The following F2RL2 variants were observed in gnomAD, a reference collection of about 807,000 sequenced individuals.
The protein encoded by F2RL2 is coagulation factor II thrombin receptor like 2.
A neutral mutation model predicts 4.3 loss-of-function variants in F2RL2; 4 were observed. The observed-to-expected ratio is 0.93, with a 90% confidence interval of 0.46 to 2.12. The LOEUF (loss-of-function observed/expected upper bound fraction) is 2.12, where lower values mean the gene tolerates loss of function less well. Ranked by LOEUF, F2RL2 falls within the 30% of genes most tolerant of loss-of-function variation. The probability of loss-of-function intolerance (pLI) is 0.02; values close to 1 mark genes in which losing one functional copy is unlikely to be tolerated. For synonymous variants in F2RL2, 166 were observed against 170.9 expected (o/e 0.97, Z 0.22); for missense variants, 408 against 449.3 (o/e 0.91, Z 0.83).
Position 76,616,336 on chromosome 5 carries a change from C to T in F2RL2, c.*1246G>A, listed in dbSNP as rs754257062. The T allele has an allele frequency of 3.9e-5, 6 of 152,404 alleles. No homozygotes were observed. The highest frequency in any genetic ancestry group is 7.4e-5 in the Non-Finnish European group (5 of 68,024). The allele number at this position is 152,404 out of a possible 1,614,324, so 9.4% of individuals were successfully genotyped here. A position where few individuals can be genotyped will look rare whatever the true frequency, so the allele number is the denominator to read the frequency against. On this transcript the variant is annotated 3_prime_UTR_variant, in exon 2 of 2. Coordinates refer to ENST00000296641, the MANE Select transcript of F2RL2 (RefSeq NM_004101.4). ...GAGGCAGAGTGGAGATATAGCAGAG[C>T]AAGAGGTTTGGTTGGTGCCTATATC...
chr5:76,622,040 A>G (rs1377031053), intron 1 of F2RL2, among the ~76,000 whole-genome samples: 2 of 152,134 alleles, frequency 1.3e-5, no homozygotes, highest in Non-Finnish European at 2.9e-5. Context: ...CAGGCTGCTA[A>G]AAGCCTAAAA....
At position 76,618,183 on chromosome 5, in the gene F2RL2, C is replaced by A. The variant is rs748908547; in HGVS notation, c.524G>T (p.Gly175Val). ...LCRATTVIFY[G>V]NMYCSILLLA... Reference sequence around the variant, plus strand: ...GAGCAGAATGGAGCAGTACATGTTGCCATAGAAGATGACTGTGGTGGCCCG... The same window carrying A: ...GAGCAGAATGGAGCAGTACATGTTGACATAGAAGATGACTGTGGTGGCCCG... Residue 175 changes from glycine (G) to valine (V), a missense_variant, in exon 2 of 2, where the codon GGC (glycine) becomes GTC (valine). By Grantham distance (109) the Gly-to-Val change is moderately radical. Coordinates refer to ENST00000296641, the MANE Select transcript of F2RL2 (RefSeq NM_004101.4). 1.2e-5 allele frequency: 20 copies of A among 1,614,130 alleles called. No individual in the cohort carries two copies. The highest frequency in any genetic ancestry group is 1.6e-5 in the Non-Finnish European group (19 of 1,180,040).
chr5:76,619,819 G>A (rs144711892), intron 1 of F2RL2, among the ~76,000 whole-genome samples: 262 of 152,180 alleles, frequency 1.7e-3, no homozygotes, highest in Middle Eastern at 3.4e-3. Flanking sequence ...CGCCCGGCCA[G>A]TTAAGGATCT....
intron 1 of F2RL2, among the ~76,000 whole-genome samples, chr5:76,619,514 CTTTTTTT>C (rs773323091): frequency 1.9e-5 from 2 of 104,266 alleles, no homozygotes; most frequent in African/African-American, 8.0e-5. Context: ...TAAGGATCTT[CTTTTTTT>C]TTTTTTTTTT....
In F2RL2 at chr5:76,618,543, G is replaced by A. The variant is rs762843040; in HGVS notation, c.164C>T (p.Ala55Val). 8 of 1,614,136 alleles carry A rather than the reference G, an allele frequency of 5.0e-6. No homozygotes were observed. Among genetic ancestry groups the A allele is most frequent in the South Asian group, 2.2e-5 (2 of 91,082 alleles). The change falls in exon 2 of 2, where the codon GCC (alanine) becomes GTC (valine). Residue 55 changes from alanine to valine, a missense_variant. Ala to Val is a moderately conservative substitution (Grantham distance 64, BLOSUM62 0). Transcript: ENST00000296641. ...CGTGGCTCCTGTCCAGCCTTCCAAG[G>A]CAGAAAAGGGGAACTCTTCAAAAGA... ...PNSFEEFPFS[A>V]LEGWTGATIT... is the part of the protein sequence containing the mutation.
chr5:76,616,021 A>T lies in F2RL2; in HGVS notation c.*1561T>A, dbSNP rs1748931136. On this transcript the variant is annotated 3_prime_UTR_variant, in exon 2 of 2. Transcript: ENST00000296641. ...CATTCAGCCACATAGTATTCAAAGCATGGAGCTGGGTGCCACAAAGACTTG... is the reference window on the plus strand; with the variant it reads ...CATTCAGCCACATAGTATTCAAAGCTTGGAGCTGGGTGCCACAAAGACTTG... 6.6e-6 allele frequency: 1 copy of T among 152,664 alleles called. No homozygotes were observed. The highest frequency in any genetic ancestry group is 6.5e-5 in the Admixed American group (1 of 15,276). 9.5% of individuals were successfully genotyped at this position (152,664 alleles called of 1,614,324 possible).
rs373076521 is a variant in F2RL2, at chr5:76,618,324, G to C, written c.383C>G (p.Thr128Ser). Residue 128 changes from threonine (T) to serine (S), a missense_variant, in exon 2 of 2, where the codon ACC becomes AGC. By Grantham distance (58) the Thr-to-Ser change is moderately conservative. Transcript: ENST00000296641. ...GGCCAGGTTGGTGTAGAATACAGTG[G>C]TACAGATGGATCTGGTCCTGAAGAA... ...MLFFRTRSICTTVFYTNLAIA... is the reference protein window; with the variant it reads ...MLFFRTRSICSTVFYTNLAIA... 4 of 1,614,220 alleles carry C rather than the reference G, an allele frequency of 2.5e-6. No individual in the cohort carries two copies. The highest frequency in any genetic ancestry group is 3.4e-6 in the Non-Finnish European group (4 of 1,180,034).
Position 76,615,502 on chromosome 5 carries a change from AT to A in F2RL2, c.*2079del, listed in dbSNP as rs1370569151. On this transcript the variant is annotated 3_prime_UTR_variant, in exon 2 of 2. Coordinates refer to ENST00000296641, the MANE Select transcript of F2RL2 (RefSeq NM_004101.4). The stretch of plus-strand genomic sequence containing the variant: ...AAATATGCATTTAAAATTGTTTTTT[AT>A]TGTTTTGTTGGGCAGTATGAAATAT... 1 of 152,166 alleles carries A rather than the reference AT, an allele frequency of 6.6e-6. No homozygotes were observed. The highest frequency in any genetic ancestry group is 2.4e-5 in the African/African-American group (1 of 41,446). 9.4% of individuals were successfully genotyped at this position (152,166 alleles called of 1,614,324 possible).
chr5:76,616,584 G>T lies in F2RL2; in HGVS notation c.*998C>A, dbSNP rs551159409. 3 of 153,066 alleles carry T rather than the reference G, an allele frequency of 2.0e-5. No individual in the cohort carries two copies. The highest frequency in any genetic ancestry group is 7.2e-5 in the African/African-American group (3 of 41,566). The allele number at this position is 153,066 out of a possible 1,614,324, so 9.5% of individuals were successfully genotyped here. On this transcript the variant is annotated 3_prime_UTR_variant, in exon 2 of 2. Coordinates refer to ENST00000296641, the MANE Select transcript of F2RL2 (RefSeq NM_004101.4). The stretch of plus-strand genomic sequence containing the variant: ...AGGTAGAGGTGGCCTGGACGTAGTG[G>T]CTCATGCCTGTAGTCCCAGCACTTT...
rs1180383193 is a variant in F2RL2, at chr5:76,617,716, T to A, written c.991A>T (p.Asn331Tyr). 2 of 1,613,962 alleles carry A rather than the reference T, an allele frequency of 1.2e-6. No individual in the cohort carries two copies. Among genetic ancestry groups the A allele is most frequent in the African/African-American group, 2.7e-5 (2 of 74,916 alleles). The change falls in exon 2 of 2, where the codon AAC becomes TAC. Residue 331 changes from asparagine (N) to tyrosine (Y), a missense_variant. Coordinates refer to ENST00000296641, the MANE Select transcript of F2RL2 (RefSeq NM_004101.4). ...ATAAAATATAAGCCATCAGTGTTGTTGTAGTAGTAGTTAGCATGGTGAATA... is the reference window on the plus strand; with the variant it reads ...ATAAAATATAAGCCATCAGTGTTGTAGTAGTAGTAGTTAGCATGGTGAATA... ...LIIHHANYYYNNTDGLYFIYL... is the reference protein window; with the variant it reads ...LIIHHANYYYYNTDGLYFIYL...
Position 76,617,974 on chromosome 5 carries a change from A to G in F2RL2, c.733T>C (p.Cys245Arg), listed in dbSNP as rs751810558. The change falls in exon 2 of 2, where the codon TGC becomes CGC. Residue 245 changes from cysteine to arginine, a missense_variant. Transcript: ENST00000296641. Reference protein sequence around the residue: ...YYLVQPDITTCHDVHNTCESS... With the variant: ...YYLVQPDITTRHDVHNTCESS... ...TCGCAAGTGTTGTGAACATCATGGC[A>G]GGTGGTGATGTCTGGCTGAACAAGA... 9 of 1,614,188 alleles carry G rather than the reference A, an allele frequency of 5.6e-6. No individual in the cohort carries two copies. The highest frequency in any genetic ancestry group is 7.6e-6 in the Non-Finnish European group (9 of 1,180,024).
At position 76,623,341 on chromosome 5, in the gene F2RL2, G is replaced by C. The variant is rs982888367; in HGVS notation, c.-111C>G. 12 of 1,332,968 alleles carry C rather than the reference G, an allele frequency of 9.0e-6. No homozygotes were observed. Among genetic ancestry groups the C allele is most frequent in the Admixed American group, 7.5e-5 (4 of 53,600 alleles). 82.6% of individuals were successfully genotyped at this position (1,332,968 alleles called of 1,614,324 possible). On this transcript the variant is annotated 5_prime_UTR_variant, in exon 1 of 2. Coordinates refer to ENST00000296641, the MANE Select transcript of F2RL2 (RefSeq NM_004101.4). Reference sequence around the variant, plus strand: ...AGCAAATGGAAGCCTTGGTCTGTCTGTAGAAGTTTGCTCTCCTGTGCCGTG... The same window carrying C: ...AGCAAATGGAAGCCTTGGTCTGTCTCTAGAAGTTTGCTCTCCTGTGCCGTG...
In F2RL2 at chr5:76,623,306, A is replaced by T; in HGVS notation, c.-76T>A. The T allele has an allele frequency of 6.5e-7, 1 of 1,541,098 alleles. No homozygotes were observed. Among genetic ancestry groups the T allele is most frequent in the Non-Finnish European group, 9.0e-7 (1 of 1,114,898 alleles). On this transcript the variant is annotated 5_prime_UTR_variant, in exon 1 of 2. It removes an upstream start codon present in the reference 5' UTR. Transcript: ENST00000296641. The stretch of plus-strand genomic sequence containing the variant: ...TGGAGCACAATTTCACCTCAGTTCC[A>T]TGTGTCAGCAGCAAATGGAAGCCTT...
Position 76,617,564 on chromosome 5 carries a change from T to C in F2RL2, c.*18A>G. On this transcript the variant is annotated 3_prime_UTR_variant, in exon 2 of 2. Transcript: ENST00000296641. ...ACGTTCTCTGTGATGGCTGTCCTTGTTCTCTAAGATCATTTCACTATTTTG... is the reference window on the plus strand; with the variant it reads ...ACGTTCTCTGTGATGGCTGTCCTTGCTCTCTAAGATCATTTCACTATTTTG... 3 of 1,581,486 alleles carry C rather than the reference T, an allele frequency of 1.9e-6. No homozygotes were observed. The highest frequency in any genetic ancestry group is 2.6e-6 in the Non-Finnish European group (3 of 1,161,086).
At position 76,618,124 on chromosome 5, in the gene F2RL2, T is replaced by C. The variant is rs141630366; in HGVS notation, c.583A>G (p.Ile195Val). Residue 195 changes from isoleucine (I) to valine (V), a missense_variant, in exon 2 of 2, where the codon ATC (isoleucine) becomes GTC (valine). Transcript: ENST00000296641. ...CCCCGGTAGGTGAAAGGATGGACGA[T>C]GGCCAGGTAGCGGTTGATGCTGATG... Reference protein sequence around the residue: ...ACISINRYLAIVHPFTYRGLP... With the variant: ...ACISINRYLAVVHPFTYRGLP... 1.4e-4 allele frequency: 218 copies of C among 1,614,134 alleles called. No individual in the cohort carries two copies. In the East Asian group the frequency reaches 4.4e-3, roughly 33 times the overall value.
At position 76,617,545 on chromosome 5, in the gene F2RL2, T is replaced by C. The variant is rs1561514971; in HGVS notation, c.*37A>G. 2.6e-6 allele frequency: 4 copies of C among 1,515,446 alleles called. No homozygotes were observed. The highest frequency in any genetic ancestry group is 2.3e-5 in the East Asian group (1 of 44,360). The allele number at this position is 1,515,446 out of a possible 1,614,324, so 93.9% of individuals were successfully genotyped here. On this transcript the variant is annotated 3_prime_UTR_variant, in exon 2 of 2. Coordinates refer to ENST00000296641, the MANE Select transcript of F2RL2 (RefSeq NM_004101.4). ...ATGTTGTTCTTGAAAACAGACGTTC[T>C]CTGTGATGGCTGTCCTTGTTCTCTA...
chr5:76,622,120 C>G lies in F2RL2; in HGVS notation c.64+1047G>C, dbSNP rs947008233. On this transcript the variant is annotated intron_variant, in intron 1 of 1. Transcript: ENST00000296641. ...TTCATTCTTCCTTCACATTTCTCCC[C>G]CACCCCATGGAAGAAAGCAAATTCA... Among the ~76,000 whole-genome samples the G allele has an allele frequency of 2.6e-5, 4 of 152,252 alleles. No homozygotes were observed. In the South Asian group the frequency reaches 6.2e-4, roughly 24 times the overall value.
chr5:76,619,786 G>A (rs1449636555), intron 1 of F2RL2, among the ~76,000 whole-genome samples: 1 of 152,094 alleles, frequency 6.6e-6, no homozygotes, highest in Non-Finnish European at 1.5e-5. Context: ...CCAAAGTGCT[G>A]GGATTACAGG....
rs1749252305 is a variant in F2RL2 at position 76,618,537 on chromosome 5, TC to T, written c.169del (p.Glu57LysfsTer10). 6.2e-7 allele frequency: 1 copy of T among 1,614,134 alleles called. No homozygotes were observed. The highest frequency in any genetic ancestry group is 2.2e-5 in the East Asian group (1 of 44,882). ...AGTAATCGTGGCTCCTGTCCAGCCT[TC>T]CAAGGCAGAAAAGGGGAACTCTTCA... is the stretch of plus-strand genomic sequence containing the variant. ...SFEEFPFSALEGWTGATITVK... is the reference protein window; with the variant it reads ...SFEEFPFSALXGWTGATITVK... On this transcript the variant is annotated frameshift_variant, in exon 2 of 2. Transcript: ENST00000296641. LOFTEE classifies it low-confidence loss of function (END_TRUNC).
Sources: allele counts gnomAD v4.1 joint callset (sites outside exome capture counted in the v4.1 genomes callset), GRCh38; gene constraint gnomAD v4.1.1; transcripts MANE v1.5; gene names NCBI Gene and HGNC (gene_info 2026-07-23, HGNC 2026-07-21).